The following CDH12 variants were observed in gnomAD, a reference collection of about 807,000 sequenced individuals.
The protein encoded by CDH12 is cadherin-12.
In CDH12, 41 loss-of-function variants were observed where a neutral mutation model predicts 74.1. That is an observed-to-expected ratio of 0.55 (90% CI 0.43 to 0.72). The LOEUF (loss-of-function observed/expected upper bound fraction) is 0.72. Ranked by LOEUF, CDH12 falls within the 30% of genes least tolerant of loss-of-function variation. The pLI is 0.00. For missense variants in CDH12, 945 were observed against 977.2 expected (o/e 0.97, Z 0.44); for synonymous variants, 399 against 355.0 (o/e 1.12, Z -1.39).
chr5:22,220,991 T>TAC (rs546225606), intron 3 of CDH12, among the ~76,000 whole-genome samples: 16,572 of 150,004 alleles, frequency 0.11, 1,133 homozygotes, highest in Non-Finnish European at 0.16. Context: ...CTTCATCAAA[T>TAC]ACACACACAC....
At chr5:22,345,720 T>A (rs999807082) in intron 3 of CDH12, among the ~76,000 whole-genome samples, 12 of 152,266 alleles carry the variant, frequency 7.9e-5, no homozygotes, top group African/African-American at 7.2e-5. Flanking sequence ...GAAAATATTT[T>A]AAAAATTTGT....
chr5:22,245,174 G>C (rs1407327330), intron 3 of CDH12, among the ~76,000 whole-genome samples: 1 of 152,172 alleles, frequency 6.6e-6, no homozygotes, highest in Non-Finnish European at 1.5e-5. Context: ...AGCCATTCGA[G>C]TGTTTGAAAA....
chr5:22,485,304 C>G (rs1746543255), intron 2 of CDH12, among the ~76,000 whole-genome samples: 1 of 152,080 alleles, frequency 6.6e-6, no homozygotes, highest in South Asian at 2.1e-4. Context: ...ATCTCAGCCT[C>G]CAGAGCAGTA....
chr5:21,850,871 CAT>C (rs1159665996), intron 7 of CDH12, among the ~76,000 whole-genome samples: 1 of 150,876 alleles, frequency 6.6e-6, no homozygotes, highest in African/African-American at 2.4e-5. Context: ...CATGTAGAAA[CAT>C]GTAAAATAAA....
At chr5:22,187,654 G>GA (rs993049801) in intron 4 of CDH12, among the ~76,000 whole-genome samples, 1 of 105,472 alleles carries the variant, frequency 9.5e-6, no homozygotes, top group African/African-American at 3.5e-5. Flanking sequence ...CTTGAAAGAG[G>GA]AAAAAAAAAA....
intron 6 of CDH12, among the ~76,000 whole-genome samples, chr5:21,967,157 GA>G (rs1756623024): frequency 6.6e-6 from 1 of 152,072 alleles, no homozygotes; most frequent in South Asian, 2.1e-4. Context: ...ACATCTATAT[GA>G]AATATTCAGT....
intron 5 of CDH12, among the ~76,000 whole-genome samples, chr5:21,980,479 A>G (rs1757262369): frequency 6.6e-6 from 1 of 152,144 alleles, no homozygotes; most frequent in South Asian, 2.1e-4. Context: ...AATGATATTT[A>G]AAACCATGAT....
chr5:22,770,818 G>A (rs1052416513), intron 1 of CDH12, among the ~76,000 whole-genome samples: 1 of 151,928 alleles, frequency 6.6e-6, no homozygotes, highest in Non-Finnish European at 1.5e-5. Flanking sequence ...TCCACTATAG[G>A]TCACATGCTT....
chr5:22,572,784 T>A (rs1228237371), intron 1 of CDH12, among the ~76,000 whole-genome samples: 1 of 152,322 alleles, frequency 6.6e-6, no homozygotes, highest in East Asian at 1.9e-4. Flanking sequence ...GTATAAATAG[T>A]TCTATATTCT....
intron 3 of CDH12, among the ~76,000 whole-genome samples, chr5:22,401,619 C>T (rs1742732966): frequency 6.6e-6 from 1 of 152,064 alleles, no homozygotes; most frequent in African/African-American, 2.4e-5. Flanking sequence ...AATTTCCAAA[C>T]TATCATACAA....
intron 3 of CDH12, among the ~76,000 whole-genome samples, chr5:22,328,935 C>T (rs940408323): frequency 6.6e-6 from 1 of 152,110 alleles, no homozygotes; most frequent in East Asian, 1.9e-4. Flanking sequence ...GAATTTTGAG[C>T]CCACTAAAAT....
chr5:22,849,002 A>G lies in CDH12; in HGVS notation c.-523+4056T>C, dbSNP rs563001355. Among the ~76,000 whole-genome samples the G allele has an allele frequency of 2.6e-5, 4 of 151,006 alleles. No individual in the cohort carries two copies. The South Asian group carries it at 6.3e-4, about 24-fold the overall frequency. On this transcript the variant is annotated intron_variant, in intron 1 of 14. Coordinates refer to ENST00000382254, the MANE Select transcript of CDH12 (RefSeq NM_004061.5). ...TCATCAAAAAATGTTTTTTTTTTAG[A>G]CAAGTCACTTGGGAACCCCTTTTAC...
chr5:22,651,558 A>T (rs751762866), intron 1 of CDH12, among the ~76,000 whole-genome samples: 1 of 152,114 alleles, frequency 6.6e-6, no homozygotes, highest in Non-Finnish European at 1.5e-5. Context: ...AGCATGGGGG[A>T]AACCACTTCC....
chr5:22,019,027 T>A (rs998354121), intron 5 of CDH12, among the ~76,000 whole-genome samples: 7 of 150,782 alleles, frequency 4.6e-5, no homozygotes. Flanking sequence ...GCCACTGCAC[T>A]CCAGGCTGGG....
chr5:21,950,055 C>T (rs1323331331), intron 6 of CDH12, among the ~76,000 whole-genome samples: 1 of 152,138 alleles, frequency 6.6e-6, no homozygotes. Flanking sequence ...ATCAGGTATA[C>T]CATTTTTGAT....
intron 1 of CDH12, among the ~76,000 whole-genome samples, chr5:22,733,135 CCTTAAATGAA>C (rs1251040846): frequency 2.6e-5 from 4 of 151,702 alleles, no homozygotes; most frequent in Admixed American, 2.6e-4. Context: ...TACAAATTGG[CCTTAAATGAA>C]CTTTCAAATT....
chr5:22,162,422 AT>A (rs1748406939), intron 4 of CDH12, among the ~76,000 whole-genome samples: 1 of 152,070 alleles, frequency 6.6e-6, no homozygotes, highest in African/African-American at 2.4e-5. Context: ...CTTGTTCCTT[AT>A]TTTGGTGTTA....
intron 4 of CDH12, among the ~76,000 whole-genome samples, chr5:22,145,525 T>C (rs2150303259): frequency 6.6e-6 from 1 of 152,250 alleles, no homozygotes; most frequent in East Asian, 1.9e-4. Flanking sequence ...TTTCCCATTG[T>C]GATGCTTTTG....
chr5:22,614,981 G>T (rs1454566599), intron 1 of CDH12, among the ~76,000 whole-genome samples: 1 of 152,030 alleles, frequency 6.6e-6, no homozygotes, highest in Non-Finnish European at 1.5e-5. Flanking sequence ...CATCCAGGGT[G>T]GGGAAGAGTG....
Sources: gnomAD v4.1 joint callset for allele counts (sites outside exome capture counted in the v4.1 genomes callset) on GRCh38, gnomAD v4.1.1 for gene constraint, MANE v1.5 for transcripts, NCBI Gene and HGNC (gene_info 2026-07-23, HGNC 2026-07-21) for gene names.